FBP1: variants seen among roughly 807,000 people sequenced by gnomAD.
FBP1 encodes fructose-bisphosphatase 1.
FBP1 carries 22 observed loss-of-function variants against 29.9 expected under a neutral mutation model. The observed-to-expected ratio is 0.74, with a 90% CI of 0.53 to 1.05. The LOEUF (loss-of-function observed/expected upper bound fraction) is 1.05. Ranked by LOEUF, FBP1 falls within the 50% of genes least tolerant of loss-of-function variation. The probability of loss-of-function intolerance (pLI) is 0.00; values close to 1 mark genes in which losing one functional copy is unlikely to be tolerated. For missense variants in FBP1, 345 were observed against 448.2 expected (o/e 0.77, Z 2.08); for synonymous variants, 175 against 178.6 (o/e 0.98, Z 0.16).
At chr9:94,632,263 A>G (rs1828114834) in intron 1 of FBP1, among the ~76,000 whole-genome samples, 1 of 152,218 alleles carries the variant, frequency 6.6e-6, no homozygotes, top group African/African-American at 2.4e-5. Flanking sequence ...TCTTGGGTGC[A>G]ACATTGTTCT....
intron 1 of FBP1, among the ~76,000 whole-genome samples, chr9:94,634,605 T>C (rs910481174): frequency 6.6e-6 from 1 of 152,170 alleles, no homozygotes; most frequent in Non-Finnish European, 1.5e-5. Flanking sequence ...AACCACAACT[T>C]CATCAGCTTG....
upstream of FBP1, among the ~76,000 whole-genome samples, chr9:94,639,667 G>C (rs1289949070): frequency 2.0e-5 from 3 of 151,754 alleles, no homozygotes; most frequent in Non-Finnish European, 4.4e-5. Flanking sequence ...TCCTCCCTGC[G>C]GTCTCCCAAC....
intron 5 of FBP1, among the ~76,000 whole-genome samples, chr9:94,606,205 A>G (rs1380788199): frequency 1.3e-5 from 2 of 152,160 alleles, no homozygotes; most frequent in Non-Finnish European, 2.9e-5. Context: ...CAAAGAAAGG[A>G]CAAAATCAGA....
intron 5 of FBP1, 47 bp downstream of exon 5, chr9:94,606,768 T>C: frequency 6.3e-7 from 1 of 1,590,940 alleles, no homozygotes; most frequent in Non-Finnish European, 8.6e-7. Flanking sequence ...CGGCCTCTGG[T>C]GCCAGATGCC....
At chr9:94,614,265 GC>G (rs1827830853) in intron 3 of FBP1, among the ~76,000 whole-genome samples, 1 of 148,824 alleles carries the variant, frequency 6.7e-6, no homozygotes, top group African/African-American at 2.5e-5. Flanking sequence ...TCGTGGCCGG[GC>G]GCGGTGGCTC....
chr9:94,640,104 C>G (rs943569241), upstream of FBP1: 1 of 152,244 alleles, frequency 6.6e-6, no homozygotes, highest in Admixed American at 6.5e-5. Context: ...TCCTAGAATT[C>G]GAGAGCTATT....
chr9:94,603,915 G>A (rs898068007), intron 6 of FBP1: 2 of 363,076 alleles, frequency 5.5e-6, no homozygotes, highest in African/African-American at 4.2e-5. Context: ...CTTAATGAGT[G>A]ATTCTGTGTG....
At position 94,613,373 on chromosome 9, in the gene FBP1, G is replaced by A. The variant is rs184240489; in HGVS notation, c.427-3312C>T. 7.2e-5 allele frequency among the ~76,000 whole-genome samples: 11 copies of A among 152,348 alleles called. No individual in the cohort carries two copies. In the East Asian group the frequency reaches 1.7e-3, roughly 24 times the overall value. On this transcript the variant is annotated intron_variant, in intron 3 of 6. Transcript: ENST00000375326. Reference sequence around the variant, plus strand: ...ATTTTCTTATGCTCTAAACAGCCAAGTGAGCAAAATGAAACAGATTTCAAC... The same window carrying A: ...ATTTTCTTATGCTCTAAACAGCCAAATGAGCAAAATGAAACAGATTTCAAC...
In FBP1 at chr9:94,610,580, A is replaced by G. The variant is rs28369728; in HGVS notation, c.427-519T>C. Among the ~76,000 whole-genome samples the G allele has an allele frequency of 5.7e-3, 868 of 152,360 alleles. 35 individuals are homozygous for G. In the East Asian group the frequency reaches 0.11, roughly 19 times the overall value. ...TCTCAGAAACGTAGGAACTCAGAAT[A>G]TCTCCCCAGAGTCATTATGGGGTAG... On this transcript the variant is annotated intron_variant, in intron 3 of 6. Coordinates refer to ENST00000375326, the MANE Select transcript of FBP1 (RefSeq NM_000507.4).
At chr9:94,638,227 A>T (rs28402369) in intron 1 of FBP1, among the ~76,000 whole-genome samples, 8,096 of 152,194 alleles carry the variant, frequency 0.053, 747 homozygotes, top group African/African-American at 0.18. Context: ...GCTACTCACA[A>T]TGTGATGAGT....
chr9:94,615,266 A>C (rs1827846779), intron 3 of FBP1, among the ~76,000 whole-genome samples: 1 of 151,940 alleles, frequency 6.6e-6, no homozygotes, highest in African/African-American at 2.4e-5. Flanking sequence ...GCCGAGCCTT[A>C]TTGTTGAGAA....
At chr9:94,626,117 C>T (rs543277099) in intron 1 of FBP1, among the ~76,000 whole-genome samples, 80 of 152,346 alleles carry the variant, frequency 5.3e-4, no homozygotes, top group African/African-American at 1.8e-3. Flanking sequence ...AGCGTCCTTC[C>T]CCTCTTCTAG....
Position 94,620,410 on chromosome 9 carries a change from G to A in FBP1, c.252C>T (p.Asn84=). The change falls in exon 2 of 7, where the codon AAC becomes AAT. Residue 84 remains asparagine, a synonymous_variant. Transcript: ENST00000375326. ...ACGTGGCAAAGGATGACTTTAACAT[G>A]TTCATAACCAGGTCGTTGGAGAGGA... ...LDVLSNDLVM[N]MLKSSFATCV... The A allele has an allele frequency of 1.2e-6, 2 of 1,614,160 alleles. No individual in the cohort carries two copies. Among genetic ancestry groups the A allele is most frequent in the Non-Finnish European group, 8.5e-7 (1 of 1,180,004 alleles).
In FBP1 at chr9:94,616,433, C is replaced by CTATATA. The variant is rs912343314; in HGVS notation, c.426+1329_426+1334dup. ...TTTGTACCCCCCAAAGCTGTTAAAA[C>CTATATA]TATATATATATATACTTTTTTTTTT... On this transcript the variant is annotated intron_variant, in intron 3 of 6. Coordinates refer to ENST00000375326, the MANE Select transcript of FBP1 (RefSeq NM_000507.4). 7.3e-5 allele frequency among the ~76,000 whole-genome samples: 5 copies of CTATATA among 68,288 alleles called. No individual in the cohort carries two copies. In the East Asian group the frequency reaches 4.2e-3, roughly 57 times the overall value. The allele number at this position is 68,288 out of a possible 152,430, so 44.8% of individuals were successfully genotyped here.
At chr9:94,606,435 A>G (rs1827701443) in intron 5 of FBP1, among the ~76,000 whole-genome samples, 1 of 152,206 alleles carries the variant, frequency 6.6e-6, no homozygotes, top group South Asian at 2.1e-4. Flanking sequence ...AGAAGGGAAG[A>G]TGTTTTACTG....
chr9:94,634,895 C>A (rs1211675990), intron 1 of FBP1, among the ~76,000 whole-genome samples: 1 of 151,918 alleles, frequency 6.6e-6, no homozygotes, highest in Non-Finnish European at 1.5e-5. Context: ...CCAGTTCGAC[C>A]CTGGTCAACT....
chr9:94,637,020 G>C (rs1000276075), intron 1 of FBP1, among the ~76,000 whole-genome samples: 1 of 151,902 alleles, frequency 6.6e-6, no homozygotes, highest in Non-Finnish European at 1.5e-5. Context: ...TATATCCCTG[G>C]TCCTCAAAGG....
At chr9:94,627,114 G>C (rs919017199) in intron 1 of FBP1, among the ~76,000 whole-genome samples, 1 of 152,028 alleles carries the variant, frequency 6.6e-6, no homozygotes, top group Non-Finnish European at 1.5e-5. Flanking sequence ...CTTGAACCCG[G>C]GAGGCAGAGG....
intron 1 of FBP1, among the ~76,000 whole-genome samples, chr9:94,638,853 C>G (rs149792573): frequency 1.4e-4 from 22 of 152,286 alleles, no homozygotes; most frequent in African/African-American, 5.3e-4. Context: ...ACGAGGCAGG[C>G]TGCTCAGGGC....
Sources: allele counts gnomAD v4.1 joint callset (sites outside exome capture counted in the v4.1 genomes callset), GRCh38; gene constraint gnomAD v4.1.1; transcripts MANE v1.5; gene names NCBI Gene and HGNC (gene_info 2026-07-23, HGNC 2026-07-21).